EIF5: variants seen among roughly 807,000 people sequenced by gnomAD.
The protein encoded by EIF5 is eukaryotic translation initiation factor 5.
A neutral mutation model predicts 48.3 loss-of-function variants in EIF5; 10 were observed. The ratio of observed to expected loss-of-function variants is 0.21; its 90% CI spans 0.13 to 0.35. The LOEUF is 0.35. EIF5 is among the 10% of genes least tolerant of loss of function. EIF5 has a pLI of 1.00. For synonymous variants in EIF5, 237 were observed against 173.1 expected, an observed-to-expected ratio of 1.37 and a Z score of -2.90; for missense variants, 397 against 533.2, an observed-to-expected ratio of 0.74 and a Z score of 2.51.
Position 103,339,569 on chromosome 14 carries a change from AT to A in EIF5, c.907-67del. ...GGGCCATGCACTTGCAGACACTCTT[AT>A]TTGGGTAATAGAGTTGTCAACTTAG... On this transcript the variant is annotated intron_variant, in intron 9 of 11. Coordinates refer to ENST00000216554, the MANE Select transcript of EIF5 (RefSeq NM_001969.5). 1.1e-5 allele frequency: 17 copies of A among 1,603,962 alleles called. No individual in the cohort carries two copies. In the South Asian group the frequency reaches 1.8e-4, roughly 17 times the overall value.
At chr14:103,339,497 A>G in intron 9 of EIF5, 142 bp from the exon 10 acceptor site, 3 of 1,421,748 alleles carry the variant, frequency 2.1e-6, no homozygotes, top group Non-Finnish European at 2.9e-6. Flanking sequence ...GCCCTTACAA[A>G]GTAACAGGGA....
At chr14:103,336,005 A>G in intron 3 of EIF5, 31 bp from the exon 4 acceptor site, 1 of 1,614,062 alleles carries the variant, frequency 6.2e-7, no homozygotes, top group Non-Finnish European at 8.5e-7. Flanking sequence ...GTCAGGGGAA[A>G]CTGCACAACT....
rs905001513 is a variant in EIF5 at position 103,342,787 on chromosome 14, T to C, written c.*1735T>C. ...TGTCACACCAAAGAGGATTTTTTTT[T>C]CTTCAAACTTGTATGTTGCCTAGGT... is the stretch of plus-strand genomic sequence containing the variant. On this transcript the variant is annotated 3_prime_UTR_variant, in exon 12 of 12. Coordinates refer to ENST00000216554, the MANE Select transcript of EIF5 (RefSeq NM_001969.5). 1.3e-5 allele frequency: 2 copies of C among 152,652 alleles called. No homozygotes were observed. The highest frequency in any genetic ancestry group is 2.4e-5 in the African/African-American group (1 of 41,462). 9.5% of individuals were successfully genotyped at this position (152,652 alleles called of 1,614,324 possible). A position where few individuals can be genotyped will look rare whatever the true frequency, so the allele number is the denominator to read the frequency against.
chr14:103,339,153 G>GTTTTCC lies in EIF5; in HGVS notation c.745-13_745-8dup, dbSNP rs746546379. ...AAGTGTGCCTCCATTGCACTGAATT[G>GTTTTCC]TTTTCCTTTTCTTTGCAGAAAAAGA... On this transcript the variant is annotated intron_variant, in intron 8 of 11. Transcript: ENST00000216554. 2.5e-6 allele frequency: 4 copies of GTTTTCC among 1,599,420 alleles called. No homozygotes were observed. In the East Asian group the frequency reaches 8.9e-5, roughly 36 times the overall value.
intron 6 of EIF5, chr14:103,337,746 G>A (rs2089304947): frequency 2.3e-6 from 1 of 432,350 alleles, no homozygotes; most frequent in Non-Finnish European, 4.5e-6. Context: ...ATTATCTGAG[G>A]GTAGATGAAG....
rs1313150109 is a variant in EIF5 at position 103,334,267 on chromosome 14, C to G, written c.-418+7C>G. 2 of 152,274 alleles carry G rather than the reference C, an allele frequency of 1.3e-5. No individual in the cohort carries two copies. The highest frequency in any genetic ancestry group is 4.8e-5 in the African/African-American group (2 of 41,402). 9.4% of individuals were successfully genotyped at this position (152,274 alleles called of 1,614,324 possible). A position where few individuals can be genotyped will look rare whatever the true frequency, so the allele number is the denominator to read the frequency against. The stretch of plus-strand genomic sequence containing the variant: ...GAGCGAGAACATTCCAGAGGTGAGT[C>G]CGGTGAAGGGGCGGCCCCCTGCCCG... On this transcript the variant is annotated splice_region_variant and intron_variant, in intron 1 of 11. Coordinates refer to ENST00000216554, the MANE Select transcript of EIF5 (RefSeq NM_001969.5).
In EIF5 at chr14:103,339,548, C is replaced by A. The variant is rs1445250705; in HGVS notation, c.907-91C>A. On this transcript the variant is annotated intron_variant, in intron 9 of 11. Coordinates refer to ENST00000216554, the MANE Select transcript of EIF5 (RefSeq NM_001969.5). ...CTTTTTGAACAACTATGGTATGGGC[C>A]ATGCACTTGCAGACACTCTTATTTG... 3 of 1,568,218 alleles carry A rather than the reference C, an allele frequency of 1.9e-6. No homozygotes were observed. In the African/African-American group the frequency reaches 4.1e-5, roughly 21 times the overall value.
chr14:103,336,368 G>A, intron 4 of EIF5: 1 of 580,970 alleles, frequency 1.7e-6, no homozygotes, highest in Non-Finnish European at 3.0e-6. Context: ...GGATCGCGAG[G>A]TCAGGAGTTC....
At chr14:103,338,104 T>C (rs898606008) in intron 6 of EIF5, 1 of 679,692 alleles carries the variant, frequency 1.5e-6, no homozygotes, top group Non-Finnish European at 2.5e-6. Context: ...GCAGTTACAA[T>C]ACCCCTAATA....
At chr14:103,336,934 C>CA in intron 5 of EIF5, 85 bp downstream of exon 5, 1 of 1,469,730 alleles carries the variant, frequency 6.8e-7, no homozygotes, top group Non-Finnish European at 9.1e-7. Flanking sequence ...GAAGGCAGAG[C>CA]AAATGTAATT....
intron 10 of EIF5, 32 bp from the exon 11 acceptor site, chr14:103,340,395 T>A: frequency 6.3e-7 from 1 of 1,580,968 alleles, no homozygotes; most frequent in Non-Finnish European, 8.7e-7. Flanking sequence ...TTAAAATTCC[T>A]CAACTAAGAG....
Position 103,344,555 on chromosome 14 carries a change from C to T in EIF5, c.*3503C>T, listed in dbSNP as rs2089390876. 3.3e-5 allele frequency: 5 copies of T among 152,254 alleles called. No homozygotes were observed. In the South Asian group the frequency reaches 1.0e-3, roughly 32 times the overall value. The allele number at this position is 152,254 out of a possible 1,614,324, so 9.4% of individuals were successfully genotyped here. A position where few individuals can be genotyped will look rare whatever the true frequency, so the allele number is the denominator to read the frequency against. On this transcript the variant is annotated 3_prime_UTR_variant, in exon 12 of 12. Transcript: ENST00000216554. ...AAACTAGGGGATTGCCTTTCCATAT[C>T]TGCTGGGGGTGGAGACCCTTATGTG...
intron 3 of EIF5, 29 bp from the exon 4 acceptor site, chr14:103,336,007 T>C: frequency 1.9e-6 from 3 of 1,614,018 alleles, no homozygotes; most frequent in Non-Finnish European, 1.7e-6. Context: ...CAGGGGAAAC[T>C]GCACAACTAA....
Position 103,335,679 on chromosome 14 carries a change from T to C in EIF5, c.-182T>C. The stretch of plus-strand genomic sequence containing the variant: ...GCTGTTGCGCAGCCATTGGTACCTG[T>C]ATTGGGGAAACATAGCATACAAGCA... On this transcript the variant is annotated 5_prime_UTR_variant, in exon 3 of 12. Coordinates refer to ENST00000216554, the MANE Select transcript of EIF5 (RefSeq NM_001969.5). The C allele has an allele frequency of 1.6e-6, 1 of 618,304 alleles. No homozygotes were observed. The highest frequency in any genetic ancestry group is 2.9e-6 in the Non-Finnish European group (1 of 348,578). 38.3% of individuals were successfully genotyped at this position (618,304 alleles called of 1,614,324 possible). A position where few individuals can be genotyped will look rare whatever the true frequency, so the allele number is the denominator to read the frequency against.
At position 103,343,005 on chromosome 14, in the gene EIF5, C is replaced by T. The variant is rs1288313931; in HGVS notation, c.*1953C>T. The T allele has an allele frequency of 6.6e-6, 1 of 152,584 alleles. No homozygotes were observed. The highest frequency in any genetic ancestry group is 2.4e-5 in the African/African-American group (1 of 41,424). 9.5% of individuals were successfully genotyped at this position (152,584 alleles called of 1,614,324 possible). Reference sequence around the variant, plus strand: ...GAACACTAAAAAATTTGGCTTAAACCAGTGTTCAGTCTGGTGCCAAACTTC... The same window carrying T: ...GAACACTAAAAAATTTGGCTTAAACTAGTGTTCAGTCTGGTGCCAAACTTC... On this transcript the variant is annotated 3_prime_UTR_variant, in exon 12 of 12. Transcript: ENST00000216554.
At chr14:103,340,364 T>G (rs1219631360) in intron 10 of EIF5, 63 bp from the exon 11 acceptor site, 1 of 1,558,182 alleles carries the variant, frequency 6.4e-7, no homozygotes, top group African/African-American at 1.4e-5. Flanking sequence ...TAAGGGGGAT[T>G]GTATAAATAA....
At chr14:103,337,821 G>A in intron 6 of EIF5, 1 of 504,104 alleles carries the variant, frequency 2.0e-6, no homozygotes, top group Non-Finnish European at 3.9e-6. Context: ...TGGTAAAGAG[G>A]GCCCCCTTCA....
intron 5 of EIF5, 34 bp downstream of exon 5, chr14:103,336,883 C>G (rs768805782): frequency 8.2e-6 from 13 of 1,587,678 alleles, no homozygotes; most frequent in South Asian, 3.4e-5. Context: ...AAGAAAAAGC[C>G]ATATACCTGC....
chr14:103,339,286 GAGA>G lies in EIF5; in HGVS notation c.863_865del (p.Lys288del). The G allele has an allele frequency of 6.2e-7, 1 of 1,609,040 alleles. No homozygotes were observed. Among genetic ancestry groups the G allele is most frequent in the Non-Finnish European group, 8.5e-7 (1 of 1,178,860 alleles). On this transcript the variant is annotated inframe_deletion, in exon 9 of 12. Coordinates refer to ENST00000216554, the MANE Select transcript of EIF5 (RefSeq NM_001969.5). ...TGTTCTAACTGAAGTTCTTTTTAATGAGAAGATTAGAGAACAGATTAAGAAATA... is the reference window on the plus strand; with the variant it reads ...TGTTCTAACTGAAGTTCTTTTTAATGAGATTAGAGAACAGATTAAGAAATA...
Sources: allele counts gnomAD v4.1 joint callset, GRCh38; gene constraint gnomAD v4.1.1; transcripts MANE v1.5; gene names NCBI Gene and HGNC (gene_info 2026-07-23, HGNC 2026-07-21).